The following MSRA variants were observed in gnomAD, a reference collection of about 807,000 sequenced individuals.
The protein encoded by MSRA is methionine sulfoxide reductase A.
In MSRA, 54 loss-of-function variants were observed where a neutral mutation model predicts 31.3. The ratio of observed to expected loss-of-function variants is 1.73; its 90% CI spans 1.39 to 2.17. MSRA has a LOEUF of 2.17. Ranked by LOEUF, MSRA falls within the 30% of genes most tolerant of loss-of-function variation. The pLI is 0.00. For missense variants in MSRA, 507 were observed against 300.9 expected (o/e 1.69, Z -5.07); for synonymous variants, 169 against 116.5 (o/e 1.45, Z -2.90).
intron 1 of MSRA, among the ~76,000 whole-genome samples, chr8:10,094,436 A>C (rs188223914): frequency 6.6e-6 from 1 of 152,250 alleles, no homozygotes; most frequent in African/African-American, 2.4e-5. Flanking sequence ...TTAACTAATT[A>C]CTATGCAATT....
rs1563472204 is a variant in MSRA at position 10,428,336 on chromosome 8, T to C, written c.*24T>C. On this transcript the variant is annotated 3_prime_UTR_variant, in exon 6 of 6. Transcript: ENST00000317173. ...AATTTCTCCCCACATGGTGGGCCTT[T>C]GAGGTTCCAGTAAAAATGCTTTCAA... is the stretch of plus-strand genomic sequence containing the variant. 1 of 1,608,604 alleles carries C rather than the reference T, an allele frequency of 6.2e-7. No homozygotes were observed. Among genetic ancestry groups the C allele is most frequent in the Admixed American group, 1.7e-5 (1 of 58,144 alleles).
chr8:10,181,259 AG>A (rs778405958), intron 1 of MSRA, among the ~76,000 whole-genome samples: 3 of 152,220 alleles, frequency 2.0e-5, no homozygotes, highest in Non-Finnish European at 1.5e-5. Context: ...CTAGAGAGCA[AG>A]GGTTTGAGTA....
At position 10,428,721 on chromosome 8, in the gene MSRA, G is replaced by A. The variant is rs903153039; in HGVS notation, c.*409G>A. 5.1e-5 allele frequency: 10 copies of A among 195,734 alleles called. No homozygotes were observed. The highest frequency in any genetic ancestry group is 1.2e-4 in the Admixed American group (2 of 16,292). 12.1% of individuals were successfully genotyped at this position (195,734 alleles called of 1,614,324 possible). On this transcript the variant is annotated 3_prime_UTR_variant, in exon 6 of 6. Transcript: ENST00000317173. ...CGTGTATAGCCTCAGTGACTCATTC[G>A]CTGAAATCCTTCGCTTTACCAAATC... is the stretch of plus-strand genomic sequence containing the variant.
At chr8:10,075,831 C>T (rs966268799) in intron 1 of MSRA, among the ~76,000 whole-genome samples, 15 of 152,192 alleles carry the variant, frequency 9.9e-5, no homozygotes, top group African/African-American at 3.4e-4. Context: ...ATTTTTCTCC[C>T]ATGGGTACCA....
intron 5 of MSRA, among the ~76,000 whole-genome samples, chr8:10,385,046 T>C (rs1055950773): frequency 1.3e-5 from 2 of 151,968 alleles, no homozygotes; most frequent in South Asian, 2.1e-4. Flanking sequence ...AGCTGCTGCA[T>C]AGGGTGTTGC....
intron 1 of MSRA, among the ~76,000 whole-genome samples, chr8:10,120,085 C>T (rs1393915382): frequency 2.0e-5 from 3 of 152,206 alleles, no homozygotes; most frequent in Admixed American, 6.5e-5. Flanking sequence ...GAAGAAATAC[C>T]GAGTCTCCCA....
chr8:10,232,340 A>G (rs1222370148), intron 2 of MSRA, among the ~76,000 whole-genome samples: 1 of 152,202 alleles, frequency 6.6e-6, no homozygotes, highest in Non-Finnish European at 1.5e-5. Flanking sequence ...TGGTACCCTT[A>G]GTAGGCAGAG....
chr8:10,216,091 C>G (rs1170039392), intron 2 of MSRA, among the ~76,000 whole-genome samples: 1 of 152,130 alleles, frequency 6.6e-6, no homozygotes, highest in Non-Finnish European at 1.5e-5. Flanking sequence ...ACGGAGCAAT[C>G]AAGGATCAAA....
At chr8:10,076,229 G>C (rs1375913475) in intron 1 of MSRA, among the ~76,000 whole-genome samples, 1 of 152,236 alleles carries the variant, frequency 6.6e-6, no homozygotes, top group Non-Finnish European at 1.5e-5. Context: ...CAGAATGTTT[G>C]TTTTGCAGTG....
intron 5 of MSRA, among the ~76,000 whole-genome samples, chr8:10,322,942 T>C (rs1163282611): frequency 1.3e-5 from 2 of 151,862 alleles, no homozygotes; most frequent in Admixed American, 1.3e-4. Context: ...ATACAAAAAT[T>C]AGCCAGGCGT....
At position 10,426,326 on chromosome 8, in the gene MSRA, C is replaced by T. The variant is rs189639677; in HGVS notation, c.544-1822C>T. 6.8e-4 allele frequency among the ~76,000 whole-genome samples: 103 copies of T among 152,322 alleles called. 1 individual carries two copies. Among genetic ancestry groups the T allele is most frequent in the Admixed American group, 6.3e-3 (96 of 15,302 alleles). On this transcript the variant is annotated intron_variant, in intron 5 of 5. Coordinates refer to ENST00000317173, the MANE Select transcript of MSRA (RefSeq NM_012331.5). ...TTCTACAGAAGGAATTCGGTGTTTACAGAATCGTTAGCAGGGCTGTTCGCG... is the reference window on the plus strand; with the variant it reads ...TTCTACAGAAGGAATTCGGTGTTTATAGAATCGTTAGCAGGGCTGTTCGCG...
chr8:10,204,967 G>A lies in MSRA; in HGVS notation c.143-2866G>A, dbSNP rs530242678. On this transcript the variant is annotated intron_variant, in intron 1 of 5. Coordinates refer to ENST00000317173, the MANE Select transcript of MSRA (RefSeq NM_012331.5). Reference sequence around the variant, plus strand: ...GGCATAAGTGCAAAGTGCTACTTGGGTGAGTGCTGCAGAGGAAAGGCCCTT... The same window carrying A: ...GGCATAAGTGCAAAGTGCTACTTGGATGAGTGCTGCAGAGGAAAGGCCCTT... 1.2e-4 allele frequency among the ~76,000 whole-genome samples: 18 copies of A among 152,288 alleles called. No individual in the cohort carries two copies. In the East Asian group the frequency reaches 1.7e-3, roughly 15 times the overall value.
chr8:10,405,384 G>A (rs1231398044), intron 5 of MSRA, among the ~76,000 whole-genome samples: 1 of 152,178 alleles, frequency 6.6e-6, no homozygotes, highest in Non-Finnish European at 1.5e-5. Flanking sequence ...GCCAGATGAG[G>A]GGACATCTGG....
intron 2 of MSRA, 139 bp downstream of exon 2, chr8:10,208,040 A>G (rs1809154802): frequency 3.3e-5 from 20 of 607,624 alleles, no homozygotes; most frequent in Non-Finnish European, 4.8e-5. Flanking sequence ...CAAGAAAACT[A>G]TTGAGTTCCT....
intron 5 of MSRA, among the ~76,000 whole-genome samples, chr8:10,372,160 G>C (rs1465521064): frequency 6.6e-6 from 1 of 152,124 alleles, no homozygotes; most frequent in African/African-American, 2.4e-5. Flanking sequence ...CACCAGGCAG[G>C]GCCTTCCCAC....
At chr8:10,347,976 C>T (rs897755245) in intron 5 of MSRA, among the ~76,000 whole-genome samples, 1 of 152,196 alleles carries the variant, frequency 6.6e-6, no homozygotes, top group Non-Finnish European at 1.5e-5. Flanking sequence ...TTGAAACATC[C>T]ACCCTAGCTG....
intron 2 of MSRA, among the ~76,000 whole-genome samples, chr8:10,212,626 A>G (rs1407729015): frequency 6.6e-6 from 1 of 152,228 alleles, no homozygotes. Context: ...ATACTTCAAT[A>G]AGAGTGAGGG....
intron 1 of MSRA, among the ~76,000 whole-genome samples, chr8:10,122,387 A>G (rs980534247): frequency 1.3e-5 from 2 of 152,188 alleles, no homozygotes; most frequent in Non-Finnish European, 2.9e-5. Flanking sequence ...TCATGGCACA[A>G]AAGTATTCAA....
rs765907676 is a variant in MSRA at position 10,245,127 on chromosome 8, G to A, written c.235G>A (p.Glu79Lys). ...AGGAATGGGATGTTTCTGGGGAGCT[G>A]AAAGGAAATTCTGGGTCTTGAAAGG... is the stretch of plus-strand genomic sequence containing the variant. Reference protein sequence around the residue: ...VFGMGCFWGAERKFWVLKGVY... With the variant: ...VFGMGCFWGAKRKFWVLKGVY... Residue 79 changes from glutamate to lysine, a missense_variant, in exon 3 of 6, where the codon GAA becomes AAA. By Grantham distance (56) the Glu-to-Lys change is moderately conservative. Coordinates refer to ENST00000317173, the MANE Select transcript of MSRA (RefSeq NM_012331.5). 4 of 1,613,050 alleles carry A rather than the reference G, an allele frequency of 2.5e-6. No homozygotes were observed. The East Asian group carries it at 6.7e-5, about 27-fold the overall frequency.
Sources: allele counts gnomAD v4.1 joint callset (sites outside exome capture counted in the v4.1 genomes callset), GRCh38; gene constraint gnomAD v4.1.1; transcripts MANE v1.5; gene names NCBI Gene and HGNC (gene_info 2026-07-23, HGNC 2026-07-21).